ATF6B: variants seen among roughly 807,000 people sequenced by gnomAD.
ATF6B encodes the protein activating transcription factor 6 beta.
Under a neutral mutation model 83.5 loss-of-function variants are expected in ATF6B, and 50 were observed. That is an observed-to-expected ratio of 0.60 (90% CI 0.48 to 0.76). ATF6B has a LOEUF of 0.76. Among genes scored for constraint, ATF6B ranks in the 30% least tolerant of loss-of-function variants. The pLI is 0.00. For missense variants in ATF6B, 790 were observed against 893.8 expected, an observed-to-expected ratio of 0.88 and a Z score of 1.48; for synonymous variants, 344 against 362.8, an observed-to-expected ratio of 0.95 and a Z score of 0.59.
At chr6:32,126,358 A>C in intron 4 of ATF6B, 106 bp from the exon 5 acceptor site, 1 of 1,361,758 alleles carries the variant, frequency 7.3e-7, no homozygotes, top group Non-Finnish European at 9.9e-7. Context: ...TAGGGCTTAC[A>C]AGCCATCAAT....
chr6:32,115,791 G>T lies in ATF6B; in HGVS notation c.2060C>A (p.Ala687Asp), dbSNP rs758883617. Residue 687 changes from alanine (A) to aspartate (D), a missense_variant, in exon 18 of 18, where the codon GCC becomes GAC. Coordinates refer to ENST00000375203, the MANE Select transcript of ATF6B (RefSeq NM_004381.5). ...ATGGPLPVSA[A>D]SQAHQASHQP... ...GTGGGAGGCCTGGTGGGCCTGGCTG[G>T]CTGCAGAGACTGGCAAGGGGCCACC... 6.2e-7 allele frequency: 1 copy of T among 1,612,994 alleles called. No individual in the cohort carries two copies. Among genetic ancestry groups the T allele is most frequent in the East Asian group, 2.2e-5 (1 of 44,870 alleles).
At chr6:32,121,528 C>G (rs1300529025) in intron 5 of ATF6B, among the ~76,000 whole-genome samples, 180 bp from the exon 6 acceptor site, 1 of 152,036 alleles carries the variant, frequency 6.6e-6, no homozygotes, top group Middle Eastern at 3.2e-3. Flanking sequence ...CATGGAGAAA[C>G]CCCGTCTCTA....
chr6:32,120,051 A>G (rs935072658), intron 8 of ATF6B, 94 bp from the exon 9 acceptor site: 46 of 1,452,740 alleles, frequency 3.2e-5, no homozygotes, highest in Non-Finnish European at 4.1e-5. Flanking sequence ...GGGCAGCCTC[A>G]ATGGCTGCAA....
rs1782037164 is a variant in ATF6B, at chr6:32,127,588, T to A, written c.172-68A>T. 13 of 1,609,092 alleles carry A rather than the reference T, an allele frequency of 8.1e-6. No individual in the cohort carries two copies. The South Asian group carries it at 1.3e-4, about 16-fold the overall frequency. ...ATGAGAAAGTAGGGGTGACTCCAGATGAGTTATGGCCTGTGAATGGGTCCA... is the reference window on the plus strand; with the variant it reads ...ATGAGAAAGTAGGGGTGACTCCAGAAGAGTTATGGCCTGTGAATGGGTCCA... On this transcript the variant is annotated intron_variant, in intron 2 of 17. Coordinates refer to ENST00000375203, the MANE Select transcript of ATF6B (RefSeq NM_004381.5).
chr6:32,126,282 C>A (rs1381291209), intron 4 of ATF6B, 30 bp from the exon 5 acceptor site: 1 of 1,607,178 alleles, frequency 6.2e-7, no homozygotes, highest in South Asian at 1.1e-5. Context: ...GGGCAGGGGG[C>A]AGAAAGAAGG....
Position 32,128,222 on chromosome 6 carries a change from C to T in ATF6B, c.-15G>A. On this transcript the variant is annotated 5_prime_UTR_variant, in exon 1 of 18. Transcript: ENST00000375203. ...AGCTCCGCCATCTTTCCCCCCCACC[C>T]CCCAACCAGGAGACGGTTCCCAAGG... The T allele has an allele frequency of 6.2e-7, 1 of 1,605,624 alleles. No individual in the cohort carries two copies. The highest frequency in any genetic ancestry group is 8.5e-7 in the Non-Finnish European group (1 of 1,178,688).
chr6:32,125,981 TCTGCCATTTC>T lies in ATF6B; in HGVS notation c.478+126_478+135del. On this transcript the variant is annotated intron_variant, in intron 5 of 17. Transcript: ENST00000375203. This position sits in a 1 kb window ranked among gnomAD's most constrained non-coding sequence, Gnocchi z 4.1. ...TCCTTCCTGCCTTCCCTCCTGGTTT[TCTGCCATTTC>T]CCCTCCCCACCTTTTTCTCCCTGTC... 7.6e-7 allele frequency: 1 copy of T among 1,319,122 alleles called. No individual in the cohort carries two copies. Among genetic ancestry groups the T allele is most frequent in the Non-Finnish European group, 1.0e-6 (1 of 965,538 alleles). The allele number at this position is 1,319,122 out of a possible 1,614,324, so 81.7% of individuals were successfully genotyped here.
rs1781530612 is a variant in ATF6B at position 32,116,412 on chromosome 6, T to A, written c.1882+68A>T. 1 of 1,462,366 alleles carries A rather than the reference T, an allele frequency of 6.8e-7. No homozygotes were observed. The highest frequency in any genetic ancestry group is 1.4e-5 in the African/African-American group (1 of 71,202). 90.6% of individuals were successfully genotyped at this position (1,462,366 alleles called of 1,614,324 possible). A position where few individuals can be genotyped will look rare whatever the true frequency, so the allele number is the denominator to read the frequency against. ...CTGGATGCCCTGCTCCTCTCCCCCT[T>A]CCCCCTCAGCTCCCAGGCTGGATCT... On this transcript the variant is annotated intron_variant, in intron 17 of 17. Transcript: ENST00000375203. This position sits in a 1 kb window ranked among gnomAD's most constrained non-coding sequence, Gnocchi z 5.1.
chr6:32,126,023 C>T (rs747367654), intron 5 of ATF6B, 94 bp downstream of exon 5: 1 of 1,505,936 alleles, frequency 6.6e-7, no homozygotes, highest in African/African-American at 1.5e-5. Flanking sequence ...TGTCCTGCTG[C>T]CTGCACTTCC....
chr6:32,118,013 T>C lies in ATF6B; in HGVS notation c.1270A>G (p.Ile424Val), dbSNP rs1450807034. The C allele has an allele frequency of 1.1e-5, 18 of 1,613,932 alleles. No homozygotes were observed. Among genetic ancestry groups the C allele is most frequent in the Non-Finnish European group, 1.5e-5 (18 of 1,180,030 alleles). The change falls in exon 12 of 18, where the codon ATC (isoleucine) becomes GTC (valine). Residue 424 changes from isoleucine to valine, a missense_variant. Ile to Val is a conservative substitution (Grantham distance 29). This residue lies in a region of ATF6B where 530 missense variants were observed against 632.6 expected (regional missense o/e 0.84). Transcript: ENST00000375203. This position sits in a 1 kb window ranked among gnomAD's most constrained non-coding sequence, Gnocchi z 5.2. ...VSISEPPSAP[I>V]SPRMNKGEPQ... Reference sequence around the variant, plus strand: ...TCCCCCTTGTTCATCCGAGGAGAGATGGGAGCTGAAGGAGGCTCACTGATG... The same window carrying C: ...TCCCCCTTGTTCATCCGAGGAGAGACGGGAGCTGAAGGAGGCTCACTGATG...
intron 5 of ATF6B, among the ~76,000 whole-genome samples, chr6:32,121,609 G>C (rs1326355971): frequency 6.6e-6 from 1 of 152,184 alleles, no homozygotes; most frequent in African/African-American, 2.4e-5. Context: ...GCTGAGGCAG[G>C]AGAATCGCTT....
At position 32,115,508 on chromosome 6, in the gene ATF6B, TCAAA is replaced by T. The variant is rs752174272; in HGVS notation, c.*227_*230del. 4 of 438,892 alleles carry T rather than the reference TCAAA, an allele frequency of 9.1e-6. No individual in the cohort carries two copies. Among genetic ancestry groups the T allele is most frequent in the Non-Finnish European group, 1.6e-5 (4 of 250,930 alleles). 27.2% of individuals were successfully genotyped at this position (438,892 alleles called of 1,614,324 possible). ...CACAACTGAACCTCACACAATCCCC[TCAAA>T]CAAAGAAGCCAGGACTGGGGGTTCA... On this transcript the variant is annotated 3_prime_UTR_variant, in exon 18 of 18. Coordinates refer to ENST00000375203, the MANE Select transcript of ATF6B (RefSeq NM_004381.5).
intron 5 of ATF6B, among the ~76,000 whole-genome samples, chr6:32,121,597 A>T (rs1280508992): frequency 6.6e-6 from 1 of 152,164 alleles, no homozygotes; most frequent in East Asian, 1.9e-4. Flanking sequence ...GATACTCAGG[A>T]GGCTGAGGCA....
At position 32,126,105 on chromosome 6, in the gene ATF6B, C is replaced by T. The variant is rs1781964175; in HGVS notation, c.478+12G>A. The T allele has an allele frequency of 6.2e-7, 1 of 1,613,970 alleles. No homozygotes were observed. Among genetic ancestry groups the T allele is most frequent in the Admixed American group, 1.7e-5 (1 of 59,994 alleles). ...AGTAGAGCCAAGGATTGGGGGCAGG[C>T]TGTTTTATTACCTGAGGAATCATCA... is the stretch of plus-strand genomic sequence containing the variant. On this transcript the variant is annotated intron_variant, in intron 5 of 17. Coordinates refer to ENST00000375203, the MANE Select transcript of ATF6B (RefSeq NM_004381.5).
chr6:32,116,017 G>C lies in ATF6B; in HGVS notation c.1883-49C>G, dbSNP rs768995855. On this transcript the variant is annotated intron_variant, in intron 17 of 17. Transcript: ENST00000375203. The surrounding 1 kb of genome is among the most constrained non-coding windows in gnomAD (Gnocchi z 5.1). ...AAGAGGAGATGGGGAGGCAAACAGGGATTGCAGGGAGGAGGGGAGGAGGTC... is the reference window on the plus strand; with the variant it reads ...AAGAGGAGATGGGGAGGCAAACAGGCATTGCAGGGAGGAGGGGAGGAGGTC... The C allele has an allele frequency of 2.7e-6, 4 of 1,471,026 alleles. No homozygotes were observed. In the Admixed American group the frequency reaches 5.4e-5, roughly 20 times the overall value. 91.1% of individuals were successfully genotyped at this position (1,471,026 alleles called of 1,614,324 possible). A position where few individuals can be genotyped will look rare whatever the true frequency, so the allele number is the denominator to read the frequency against.
rs765381562 is a variant in ATF6B, at chr6:32,119,863, G to A, written c.927C>T (p.Pro309=). The change falls in exon 9 of 18, where the codon CCC becomes CCT. Residue 309 remains proline, a synonymous_variant. Coordinates refer to ENST00000375203, the MANE Select transcript of ATF6B (RefSeq NM_004381.5). This position sits in a 1 kb window ranked among gnomAD's most constrained non-coding sequence, Gnocchi z 4.9. ...LPRPERKSIV[P]APMPGNSCPP... The stretch of plus-strand genomic sequence containing the variant: ...GGCAGGAGTTTCCAGGCATAGGAGC[G>A]GGAACGATGCTCTTCCTCTCAGGCC... The A allele has an allele frequency of 1.4e-5, 23 of 1,614,130 alleles. No individual in the cohort carries two copies. Among genetic ancestry groups the A allele is most frequent in the African/African-American group, 5.3e-5 (4 of 75,018 alleles).
In ATF6B at chr6:32,115,556, T is replaced by TATA. The variant is rs1781481504; in HGVS notation, c.*180_*182dup. Reference sequence around the variant, plus strand: ...GGGTTCACAGGAATGAGAGGAGCCCTATATTCTGAAAAGGGATGAGAAGAG... The same window carrying TATA: ...GGGTTCACAGGAATGAGAGGAGCCCTATAATATTCTGAAAAGGGATGAGAAGAG... On this transcript the variant is annotated 3_prime_UTR_variant, in exon 18 of 18. Coordinates refer to ENST00000375203, the MANE Select transcript of ATF6B (RefSeq NM_004381.5). The TATA allele has an allele frequency of 3.7e-6, 2 of 539,204 alleles. No individual in the cohort carries two copies. Among genetic ancestry groups the TATA allele is most frequent in the Admixed American group, 6.8e-5 (2 of 29,310 alleles). 33.4% of individuals were successfully genotyped at this position (539,204 alleles called of 1,614,324 possible).
chr6:32,117,945 C>T lies in ATF6B; in HGVS notation c.1338G>A (p.Glu446=). The T allele has an allele frequency of 1.5e-5, 24 of 1,612,434 alleles. No individual in the cohort carries two copies. Among genetic ancestry groups the T allele is most frequent in the Non-Finnish European group, 2.0e-5 (24 of 1,179,048 alleles). ...RRHLLGFSEQ[E]PVQGVEPLQG... is the part of the protein sequence containing the mutation. ...GGAGAGGTTCAACTCCCTGAACTGG[C>T]TCTTGCTCTGAGAACCCCAGCAAGT... The change falls in exon 12 of 18, where the codon GAG becomes GAA. Residue 446 remains glutamate (E), a synonymous_variant. Coordinates refer to ENST00000375203, the MANE Select transcript of ATF6B (RefSeq NM_004381.5). This position sits in a 1 kb window ranked among gnomAD's most constrained non-coding sequence, Gnocchi z 5.0.
chr6:32,126,309 ATGTT>A, intron 4 of ATF6B, 57 bp from the exon 5 acceptor site: 1 of 1,591,400 alleles, frequency 6.3e-7, no homozygotes, highest in Non-Finnish European at 8.6e-7. Context: ...AACAAGGGAG[ATGTT>A]GACAGTAAGA....
Sources: allele counts gnomAD v4.1 joint callset (sites outside exome capture counted in the v4.1 genomes callset), GRCh38; gene constraint gnomAD v4.1.1; regional missense constraint gnomAD v4.1.1; non-coding constraint Gnocchi (gnomAD v3.1); transcripts MANE v1.5; gene names NCBI Gene and HGNC (gene_info 2026-07-23, HGNC 2026-07-21).